Variants in RBBP8 observed in about 807,000 individuals in gnomAD.
The protein encoded by RBBP8 is RB binding protein 8, endonuclease.
A neutral mutation model predicts 108.3 loss-of-function variants in RBBP8; 88 were observed. That is an observed-to-expected ratio of 0.81 (90% CI 0.68 to 0.97). The LOEUF (loss-of-function observed/expected upper bound fraction) is 0.97. Among genes scored for constraint, RBBP8 ranks in the 50% least tolerant of loss-of-function variants. The probability of loss-of-function intolerance (pLI) is 0.00; values close to 1 mark genes in which losing one functional copy is unlikely to be tolerated. For synonymous variants in RBBP8, 332 were observed against 348.2 expected, an observed-to-expected ratio of 0.95 and a Z score of 0.52; for missense variants, 1,023 against 1,049.0, an observed-to-expected ratio of 0.98 and a Z score of 0.34.
intron 16 of RBBP8, among the ~76,000 whole-genome samples, chr18:23,015,931 T>C (rs1001537089): frequency 6.6e-6 from 1 of 152,144 alleles, no homozygotes; most frequent in Non-Finnish European, 1.5e-5. Flanking sequence ...TTTTTTTCTT[T>C]TTTTGAGACA....
intron 4 of RBBP8, among the ~76,000 whole-genome samples, chr18:22,961,456 G>A (rs1015358389): frequency 2.6e-5 from 4 of 152,200 alleles, no homozygotes; most frequent in Admixed American, 2.0e-4. Flanking sequence ...TATATTTTAA[G>A]TACTCAGGCA....
chr18:22,981,969 G>A (rs766446754), intron 6 of RBBP8, among the ~76,000 whole-genome samples: 1 of 152,154 alleles, frequency 6.6e-6, no homozygotes, highest in Non-Finnish European at 1.5e-5. Context: ...GATCTTGTCT[G>A]CAATTTGAAA....
chr18:22,929,843 C>T (rs2144358564), upstream of RBBP8, among the ~76,000 whole-genome samples: 1 of 151,942 alleles, frequency 6.6e-6, no homozygotes, highest in Non-Finnish European at 1.5e-5. Context: ...GGCTTGAGGA[C>T]TGAAAATAGT....
At chr18:22,945,238 C>T (rs567333494) in intron 2 of RBBP8, among the ~76,000 whole-genome samples, 1 of 151,900 alleles carries the variant, frequency 6.6e-6, no homozygotes, top group African/African-American at 2.4e-5. Flanking sequence ...GGCTTTTTTC[C>T]CCTTTATGTT....
chr18:23,012,255 T>C (rs181965567), intron 16 of RBBP8, among the ~76,000 whole-genome samples: 13 of 138,396 alleles, frequency 9.4e-5, no homozygotes, highest in Non-Finnish European at 1.9e-4. Context: ...CCTTTAAGTA[T>C]ACAAGTGAAA....
At position 22,975,200 on chromosome 18, in the gene RBBP8, C is replaced by T; in HGVS notation, c.409C>T (p.Gln137Ter). 1 of 1,612,682 alleles carries T rather than the reference C, an allele frequency of 6.2e-7. No homozygotes were observed. The highest frequency in any genetic ancestry group is 8.5e-7 in the Non-Finnish European group (1 of 1,179,272). The change falls in exon 6 of 19, where the codon CAA (glutamine) becomes TAA (stop). Residue 137 changes from glutamine (Q) to a stop codon, truncating the protein, a stop_gained. Transcript: ENST00000327155. LOFTEE classifies it high-confidence loss of function. ...LQEENKKLSE[Q>*]LQQKIENDQQ... ...GGAAGAAAATAAAAAGCTTTCTGAA[C>T]AACTCCAGCAGAAAATTGAGTAAGT...
At chr18:22,956,455 C>G (rs188469403) in intron 4 of RBBP8, among the ~76,000 whole-genome samples, 21 of 152,200 alleles carry the variant, frequency 1.4e-4, no homozygotes, top group East Asian at 9.7e-4. Context: ...TCACATCAGC[C>G]CCCCCAGGTA....
chr18:23,018,285 G>A (rs542711247), intron 17 of RBBP8, among the ~76,000 whole-genome samples: 96 of 152,312 alleles, frequency 6.3e-4, no homozygotes, highest in African/African-American at 2.1e-3. Context: ...TCGAACTCCC[G>A]ACCTCAGGTG....
chr18:23,012,344 A>C (rs1375793766), intron 16 of RBBP8, among the ~76,000 whole-genome samples: 1 of 152,202 alleles, frequency 6.6e-6, no homozygotes, highest in East Asian at 1.9e-4. Flanking sequence ...TTCAAAAGCC[A>C]AGATGGGTAA....
intron 16 of RBBP8, among the ~76,000 whole-genome samples, chr18:23,014,296 T>C (rs572478670): frequency 1.9e-4 from 29 of 152,304 alleles, no homozygotes; most frequent in Non-Finnish European, 4.0e-4. Flanking sequence ...ACTTTCAAGT[T>C]CTCTTATTTA....
At chr18:22,969,134 T>C (rs1320971408) in intron 5 of RBBP8, among the ~76,000 whole-genome samples, 1 of 151,970 alleles carries the variant, frequency 6.6e-6, no homozygotes, top group African/African-American at 2.4e-5. Context: ...ACTGTCCACA[T>C]TGGTCTTAAG....
At chr18:22,955,046 T>A (rs954344673) in intron 4 of RBBP8, among the ~76,000 whole-genome samples, 3 of 152,230 alleles carry the variant, frequency 2.0e-5, no homozygotes, top group African/African-American at 7.2e-5. Flanking sequence ...ATTTAATTGT[T>A]AAAATTATGT....
intron 15 of RBBP8, among the ~76,000 whole-genome samples, chr18:23,002,754 C>T (rs1426764567): frequency 6.6e-6 from 1 of 152,036 alleles, no homozygotes; most frequent in African/African-American, 2.4e-5. Flanking sequence ...CTTGATTATG[C>T]TCATGTTTCC....
At chr18:22,960,570 A>G (rs79544318) in intron 4 of RBBP8, among the ~76,000 whole-genome samples, 7,471 of 152,232 alleles carry the variant, frequency 0.049, 358 homozygotes, top group African/African-American at 0.12. Flanking sequence ...ATGATTATCA[A>G]TGCTTATATT....
chr18:23,010,159 CTACTGTAGTTTA>C (rs1443806416), intron 16 of RBBP8, among the ~76,000 whole-genome samples: 27 of 152,216 alleles, frequency 1.8e-4, no homozygotes, highest in African/African-American at 6.3e-4. Context: ...TTATGTGACC[CTACTGTAGTTTA>C]TACCCTAGCA....
At chr18:22,964,225 T>G (rs1038650756) in intron 4 of RBBP8, among the ~76,000 whole-genome samples, 3 of 152,162 alleles carry the variant, frequency 2.0e-5, no homozygotes, top group African/African-American at 7.2e-5. Flanking sequence ...ATCTCTATTC[T>G]GATTTTTTAT....
At chr18:22,943,966 A>G (rs1911323517) in intron 2 of RBBP8, among the ~76,000 whole-genome samples, 1 of 152,148 alleles carries the variant, frequency 6.6e-6, no homozygotes, top group Non-Finnish European at 1.5e-5. Flanking sequence ...ATTGTAGCAC[A>G]GTGCTTGGTC....
intron 5 of RBBP8, among the ~76,000 whole-genome samples, chr18:22,971,148 T>TA (rs11340946): frequency 2.8e-5 from 4 of 145,430 alleles, no homozygotes; most frequent in African/African-American, 7.5e-5. Flanking sequence ...GGAGAGTCTT[T>TA]AAAAAAAAAA....
chr18:23,024,836 G>T (rs1381531103), intron 18 of RBBP8: 2 of 152,174 alleles, frequency 1.3e-5, no homozygotes. Flanking sequence ...GCCTGTATTT[G>T]TCAGTTACAG....
Sources: gnomAD v4.1 joint callset for allele counts (sites outside exome capture counted in the v4.1 genomes callset) on GRCh38, gnomAD v4.1.1 for gene constraint, MANE v1.5 for transcripts, NCBI Gene and HGNC (gene_info 2026-07-23, HGNC 2026-07-21) for gene names.